Variants in CCNF observed in about 807,000 individuals in gnomAD.
The protein encoded by CCNF is cyclin F, also known as cyclin-F.
Under a neutral mutation model 85.4 loss-of-function variants are expected in CCNF, and 30 were observed. The ratio of observed to expected loss-of-function variants is 0.35; its 90% CI spans 0.26 to 0.48. CCNF has a LOEUF of 0.48. Among genes scored for constraint, CCNF ranks in the 20% least tolerant of loss-of-function variants. The pLI is 0.99. For synonymous variants in CCNF, 439 were observed against 425.1 expected, an observed-to-expected ratio of 1.03 and a Z score of -0.40; for missense variants, 919 against 1,010.4, an observed-to-expected ratio of 0.91 and a Z score of 1.23.
chr16:2,455,875 A>C (rs896392668), intron 16 of CCNF, among the ~76,000 whole-genome samples: 1 of 152,230 alleles, frequency 6.6e-6, no homozygotes, highest in Non-Finnish European at 1.5e-5. Context: ...CCCTGTCTGG[A>C]GTTCATGGAG....
intron 13 of CCNF, among the ~76,000 whole-genome samples, chr16:2,450,820 C>T (rs918494217): frequency 2.6e-5 from 4 of 152,218 alleles, no homozygotes; most frequent in African/African-American, 4.8e-5. Context: ...CATAGTGCAG[C>T]GGACACCACG....
Position 2,435,877 on chromosome 16 carries a change from A to G in CCNF, c.346+4A>G. 6.2e-7 allele frequency: 1 copy of G among 1,610,470 alleles called. No homozygotes were observed. Among genetic ancestry groups the G allele is most frequent in the Non-Finnish European group, 8.5e-7 (1 of 1,176,902 alleles). Reference sequence around the variant, plus strand: ...GCCTACCTCTACAATGAAGGCCGTAAGTCCTCACCCCACCTGCATGTTGGC... The same window carrying G: ...GCCTACCTCTACAATGAAGGCCGTAGGTCCTCACCCCACCTGCATGTTGGC... On this transcript the variant is annotated splice_donor_region_variant and intron_variant, in intron 4 of 16. Coordinates refer to ENST00000397066, the MANE Select transcript of CCNF (RefSeq NM_001761.3).
chr16:2,435,754 A>T, intron 3 of CCNF, 52 bp from the exon 4 acceptor site: 1 of 1,366,786 alleles, frequency 7.3e-7, no homozygotes, highest in Non-Finnish European at 1.0e-6. Flanking sequence ...GTAGTAGTTC[A>T]TAACGTTTGT....
intron 7 of CCNF, 25 bp downstream of exon 7, chr16:2,439,482 G>A (rs748281612): frequency 1.3e-6 from 2 of 1,535,340 alleles, no homozygotes; most frequent in South Asian, 1.1e-5. Context: ...CTCTGGGTCG[G>A]GGGGAGTTAT....
In CCNF at chr16:2,455,548, C is replaced by T. The variant is rs946248562; in HGVS notation, c.1869C>T (p.Gly623=). 3.9e-5 allele frequency: 62 copies of T among 1,597,748 alleles called. No individual in the cohort carries two copies. In the East Asian group the frequency reaches 9.5e-4, roughly 24 times the overall value. ...ATGAAGGCGACCAGGAGAGTGAGGGCGAGAAGGAGGGCGACGGTGAGTGTG... is the reference window on the plus strand; with the variant it reads ...ATGAAGGCGACCAGGAGAGTGAGGGTGAGAAGGAGGGCGACGGTGAGTGTG... ...SGYEGDQESE[G]EKEGDVTAPS... The change falls in exon 16 of 17, where the codon GGC becomes GGT. Residue 623 remains glycine (G), a synonymous_variant. Transcript: ENST00000397066.
chr16:2,446,204 G>A (rs1000263535), intron 10 of CCNF, among the ~76,000 whole-genome samples: 6 of 151,978 alleles, frequency 3.9e-5, no homozygotes, highest in Non-Finnish European at 8.8e-5. Context: ...AGGACCCAAA[G>A]TGTGGCCTCG....
At chr16:2,450,529 C>G (rs577979025) in intron 13 of CCNF, among the ~76,000 whole-genome samples, 1 of 151,574 alleles carries the variant, frequency 6.6e-6, no homozygotes, top group Admixed American at 6.6e-5. Flanking sequence ...AAAAAAAGTT[C>G]CAGTAGTTTC....
intron 1 of CCNF, among the ~76,000 whole-genome samples, chr16:2,430,602 C>T (rs1173472067): frequency 6.6e-6 from 1 of 152,160 alleles, no homozygotes; most frequent in Non-Finnish European, 1.5e-5. Context: ...GAGACTTGGA[C>T]GCACACTGCC....
At chr16:2,436,089 TGTTTTA>T in intron 4 of CCNF, 1 of 466,132 alleles carries the variant, frequency 2.1e-6, no homozygotes, top group East Asian at 3.4e-5. Context: ...AGTCGCCTCT[TGTTTTA>T]GCAAACCCTT....
In CCNF at chr16:2,435,814, A is replaced by T. The variant is rs759191535; in HGVS notation, c.287A>T (p.Glu96Val). 2.5e-6 allele frequency: 4 copies of T among 1,613,566 alleles called. No homozygotes were observed. The Admixed American group carries it at 6.7e-5, about 27-fold the overall frequency. ...GNLKLFERAA[E>V]KGNFEAAVKL... ...TGTTCTTAATGTTTCAGGGCTGCTG[A>T]AAAGGGGAATTTCGAAGCTGCTGTG... The change falls in exon 4 of 17, where the codon GAA (glutamate) becomes GTA (valine). Residue 96 changes from glutamate (E) to valine (V), a missense_variant. By Grantham distance (121) the Glu-to-Val change is moderately radical. Coordinates refer to ENST00000397066, the MANE Select transcript of CCNF (RefSeq NM_001761.3).
At chr16:2,438,409 T>C (rs1596918177) in intron 6 of CCNF, among the ~76,000 whole-genome samples, 1 of 152,116 alleles carries the variant, frequency 6.6e-6, no homozygotes, top group East Asian at 1.9e-4. Flanking sequence ...CTGGCCCTGC[T>C]CCTCGTGGGC....
In CCNF at chr16:2,432,942, G is replaced by A. The variant is rs574261584; in HGVS notation, c.172-19G>A. On this transcript the variant is annotated intron_variant, in intron 2 of 16. Coordinates refer to ENST00000397066, the MANE Select transcript of CCNF (RefSeq NM_001761.3). Reference sequence around the variant, plus strand: ...GGTGGTGCCTCCATCACCCAGCCCCGGCCCCCGTTGTTCTGCAGGTACACT... The same window carrying A: ...GGTGGTGCCTCCATCACCCAGCCCCAGCCCCCGTTGTTCTGCAGGTACACT... 83 of 1,522,590 alleles carry A rather than the reference G, an allele frequency of 5.5e-5. No homozygotes were observed. Among genetic ancestry groups the A allele is most frequent in the East Asian group, 1.6e-4 (7 of 43,594 alleles). 94.3% of individuals were successfully genotyped at this position (1,522,590 alleles called of 1,614,324 possible).
At position 2,445,546 on chromosome 16, in the gene CCNF, C is replaced by A; in HGVS notation, c.1018C>A (p.Arg340=). 1 of 1,614,032 alleles carries A rather than the reference C, an allele frequency of 6.2e-7. No homozygotes were observed. Among genetic ancestry groups the A allele is most frequent in the Non-Finnish European group, 8.5e-7 (1 of 1,180,006 alleles). The part of the protein sequence containing the change: ...CLHLTVECVD[R]YLRRRLVPRY... ...GCACCTGACCGTGGAGTGTGTGGACCGGTACCTGCGGAGGAGGCTGGTGCC... is the reference window on the plus strand; with the variant it reads ...GCACCTGACCGTGGAGTGTGTGGACAGGTACCTGCGGAGGAGGCTGGTGCC... The change falls in exon 10 of 17, where the codon CGG becomes AGG. Residue 340 remains arginine (R), a synonymous_variant. Coordinates refer to ENST00000397066, the MANE Select transcript of CCNF (RefSeq NM_001761.3).
Position 2,456,822 on chromosome 16 carries a change from G to A in CCNF, c.2163G>A (p.Leu721=). The change falls in exon 17 of 17, where the codon CTG becomes CTA. Residue 721 remains leucine (L), a synonymous_variant. Coordinates refer to ENST00000397066, the MANE Select transcript of CCNF (RefSeq NM_001761.3). This position sits in a 1 kb window ranked among gnomAD's most constrained non-coding sequence, Gnocchi z 4.5. ...CCGTGGACGGTGGCTTGGGGGCCCT[G>A]CCCCAACCTACCTCAGTGCTGTCCC... is the stretch of plus-strand genomic sequence containing the variant. The part of the protein sequence containing the change: ...TSSVDGGLGA[L]PQPTSVLSLD... The A allele has an allele frequency of 6.2e-7, 1 of 1,613,910 alleles. No individual in the cohort carries two copies. Among genetic ancestry groups the A allele is most frequent in the Non-Finnish European group, 8.5e-7 (1 of 1,179,992 alleles).
chr16:2,435,009 C>G (rs552296156), intron 3 of CCNF, among the ~76,000 whole-genome samples: 1 of 152,234 alleles, frequency 6.6e-6, no homozygotes, highest in Admixed American at 6.5e-5. Flanking sequence ...AATCCCAGCA[C>G]TTTGGGAGGC....
chr16:2,432,087 C>T (rs546584115), intron 2 of CCNF, among the ~76,000 whole-genome samples: 14 of 152,260 alleles, frequency 9.2e-5, no homozygotes, highest in South Asian at 2.1e-4. Context: ...GCCTCGGCCT[C>T]CCAAAGTGCT....
intron 3 of CCNF, among the ~76,000 whole-genome samples, chr16:2,434,478 G>A (rs1428751329): frequency 6.6e-6 from 1 of 151,990 alleles, no homozygotes; most frequent in East Asian, 1.9e-4. Context: ...CTGGGTGGTG[G>A]CACATGCCTG....
At chr16:2,446,723 T>G (rs28628258) in intron 10 of CCNF, among the ~76,000 whole-genome samples, 150,000 of 152,310 alleles carry the variant, frequency 0.98, 73,870 homozygotes, top group East Asian at 1. Context: ...GAGGCAGAGG[T>G]TCCAGGCTCA....
intron 8 of CCNF, among the ~76,000 whole-genome samples, chr16:2,442,870 ATATT>A (rs2065337930): frequency 6.0e-5 from 2 of 33,468 alleles, no homozygotes; most frequent in Non-Finnish European, 8.1e-5. Context: ...TATATTATAT[ATATT>A]ATATTATAAT....
Sources: allele counts gnomAD v4.1 joint callset (sites outside exome capture counted in the v4.1 genomes callset), GRCh38; gene constraint gnomAD v4.1.1; non-coding constraint Gnocchi (gnomAD v3.1); transcripts MANE v1.5; gene names NCBI Gene and HGNC (gene_info 2026-07-23, HGNC 2026-07-21).